Variants in NUTM2B observed in about 807,000 individuals in gnomAD.
NUTM2B encodes the protein NUT family member 2B, also known as family with sequence similarity 22, member B.
NUTM2B carries 2 observed loss-of-function variants against 42.4 expected under a neutral mutation model. That is an observed-to-expected ratio of 0.05 (90% CI 0.02 to 0.15). The LOEUF (loss-of-function observed/expected upper bound fraction) is 0.15. NUTM2B is among the 10% of genes least tolerant of loss of function. The probability of loss-of-function intolerance (pLI) is 1.00; values close to 1 mark genes in which losing one functional copy is unlikely to be tolerated. For missense variants in NUTM2B, 58 were observed against 952.6 expected (o/e 0.06, Z 12.36); for synonymous variants, 18 against 402.4 (o/e 0.04, Z 11.43).
Position 79,710,657 on chromosome 10 carries a change from G to T in NUTM2B, c.1627G>T (p.Glu543Ter), listed in dbSNP as rs1840471474. ...CACGGGGGAGCCCGAGAAACAACGG[G>T]AAGAGGGCAAAGTGAAGCAGCCACA... Residue 543 changes from glutamate (E) to a stop codon, truncating the protein, a stop_gained, in exon 5 of 7, where the codon GAA (glutamate) becomes TAA (stop). Coordinates refer to ENST00000429828, the Ensembl canonical transcript of NUTM2B. LOFTEE classifies it high-confidence loss of function. The T allele has an allele frequency of 6.5e-7, 1 of 1,543,126 alleles. No individual in the cohort carries two copies. The highest frequency in any genetic ancestry group is 8.8e-7 in the Non-Finnish European group (1 of 1,140,228).
chr10:79,696,074 C>T, the NUTM2B span, among the ~76,000 whole-genome samples: 28 of 147,698 alleles, frequency 1.9e-4, no homozygotes, highest in Non-Finnish European at 3.5e-4. Flanking sequence ...ATAGAATCCC[C>T]AGAATACACA....
chr10:79,699,910 C>A (rs1235426433), upstream of NUTM2B, among the ~76,000 whole-genome samples: 1 of 152,234 alleles, frequency 6.6e-6, no homozygotes, highest in African/African-American at 2.4e-5. Flanking sequence ...CTCACACCCT[C>A]CAAAATCCAA....
chr10:79,695,046 G>C, the NUTM2B span, among the ~76,000 whole-genome samples: 1 of 152,176 alleles, frequency 6.6e-6, no homozygotes, highest in Non-Finnish European at 1.5e-5. Context: ...TTCTGCCCCA[G>C]GACCTGAGCC....
chr10:79,694,109 A>G, the NUTM2B span, among the ~76,000 whole-genome samples: 2 of 152,138 alleles, frequency 1.3e-5, no homozygotes, highest in Non-Finnish European at 2.9e-5. Flanking sequence ...CCAATCAGAA[A>G]CAAGCTGGCC....
chr10:79,695,486 A>G, the NUTM2B span, among the ~76,000 whole-genome samples: 4 of 152,292 alleles, frequency 2.6e-5, no homozygotes, highest in African/African-American at 9.6e-5. Flanking sequence ...TACCTGCTGG[A>G]GGTCCTGCCT....
the NUTM2B span, among the ~76,000 whole-genome samples, chr10:79,696,786 C>T: frequency 6.6e-6 from 1 of 152,184 alleles, no homozygotes; most frequent in African/African-American, 2.4e-5. Flanking sequence ...GCAGCAATAG[C>T]GCATGCACGT....
the NUTM2B span, among the ~76,000 whole-genome samples, chr10:79,694,488 T>C: frequency 2.0e-5 from 3 of 152,040 alleles, no homozygotes; most frequent in Admixed American, 6.5e-5. Context: ...CCTGAGCCTT[T>C]GGAAAGAACC....
the NUTM2B span, among the ~76,000 whole-genome samples, chr10:79,695,129 T>C: frequency 1.3e-5 from 2 of 152,104 alleles, no homozygotes; most frequent in Non-Finnish European, 1.5e-5. Flanking sequence ...CACCACTTCC[T>C]TGTTGCTCCT....
chr10:79,711,875 T>G, exon 7 of NUTM2B: 1 of 1,463,284 alleles, frequency 6.8e-7, no homozygotes, highest in Non-Finnish European at 9.1e-7. Flanking sequence ...CCACCCCAGA[T>G]GACTGCCCGG....
the NUTM2B span, among the ~76,000 whole-genome samples, chr10:79,698,103 T>C: frequency 6.7e-6 from 1 of 149,998 alleles, no homozygotes; most frequent in African/African-American, 2.5e-5. Context: ...ACCCCTCATA[T>C]ACACACTCAC....
upstream of NUTM2B, among the ~76,000 whole-genome samples, chr10:79,702,174 C>T (rs1840324671): frequency 6.6e-6 from 1 of 151,920 alleles, no homozygotes; most frequent in South Asian, 2.1e-4. Context: ...GCTTGAATTG[C>T]TCTCCGTTGA....
chr10:79,705,151 G>T (rs1173781543), intron 1 of NUTM2B, among the ~76,000 whole-genome samples: 3 of 126,170 alleles, frequency 2.4e-5, no homozygotes, highest in African/African-American at 9.0e-5. Context: ...CCAGGGATGG[G>T]CTCCTTGTCC....
chr10:79,698,850 C>A (rs573481038), upstream of NUTM2B, among the ~76,000 whole-genome samples: 2 of 150,960 alleles, frequency 1.3e-5, no homozygotes, highest in African/African-American at 4.9e-5. Flanking sequence ...TAAATATACC[C>A]GCGATTAACT....
At chr10:79,700,503 A>T (rs1278304844), upstream of NUTM2B, among the ~76,000 whole-genome samples, 1 of 152,254 alleles carries the variant, frequency 6.6e-6, no homozygotes, top group Admixed American at 6.5e-5. Context: ...CAGGGCCCCC[A>T]CTAGGAAAGC....
upstream of NUTM2B, among the ~76,000 whole-genome samples, chr10:79,698,242 C>A (rs1056203651): frequency 5.9e-5 from 9 of 151,460 alleles, no homozygotes; most frequent in Non-Finnish European, 1.0e-4. Context: ...TGGGCACATA[C>A]AAACTCACAC....
At chr10:79,707,135 G>C (rs1253799670) in intron 2 of NUTM2B, among the ~76,000 whole-genome samples, 1 of 131,490 alleles carries the variant, frequency 7.6e-6, no homozygotes, top group African/African-American at 2.9e-5. Context: ...ATGGGGCCGG[G>C]GGGAGGAGCT....
chr10:79,701,414 A>C (rs1840312367), upstream of NUTM2B, among the ~76,000 whole-genome samples: 2 of 152,042 alleles, frequency 1.3e-5, no homozygotes, highest in Non-Finnish European at 2.9e-5. Flanking sequence ...GCAATAAAAA[A>C]CTAGTAGAGA....
chr10:79,710,559 AGGAGATCCCC>A lies in NUTM2B; in HGVS notation c.1530_1539del (p.Glu510AspfsTer35). On this transcript the variant is annotated frameshift_variant, in exon 5 of 7. Coordinates refer to ENST00000429828, the Ensembl canonical transcript of NUTM2B. LOFTEE classifies it high-confidence loss of function. ...AGACCAGCAGAGACCAAGGTCCCTGAGGAGATCCCCCCAGAAGTGGTGCAGGAGTATGTGG... is the reference window on the plus strand; with the variant it reads ...AGACCAGCAGAGACCAAGGTCCCTGACCAGAAGTGGTGCAGGAGTATGTGG... The A allele has an allele frequency of 1.6e-6, 1 of 619,546 alleles. No individual in the cohort carries two copies. Among genetic ancestry groups the A allele is most frequent in the Non-Finnish European group, 2.9e-6 (1 of 349,680 alleles). The allele number at this position is 619,546 out of a possible 1,614,324, so 38.4% of individuals were successfully genotyped here.
the NUTM2B span, among the ~76,000 whole-genome samples, chr10:79,694,608 G>T: frequency 6.6e-6 from 1 of 151,912 alleles, no homozygotes; most frequent in African/African-American, 2.4e-5. Flanking sequence ...GCCCAGCTCT[G>T]CCCGTGTCAC....
Sources: gnomAD v4.1 joint callset for allele counts (sites outside exome capture counted in the v4.1 genomes callset) on GRCh38, gnomAD v4.1.1 for gene constraint, MANE v1.5 for transcripts, NCBI Gene and HGNC (gene_info 2026-07-23, HGNC 2026-07-21) for gene names.